The following CA10 variants were observed in gnomAD, a reference collection of about 807,000 sequenced individuals.
CA10 encodes the protein carbonic anhydrase 10 (inactive).
Under a neutral mutation model 44.2 loss-of-function variants are expected in CA10, and 14 were observed. The observed-to-expected ratio is 0.32, with a 90% CI of 0.21 to 0.50. The LOEUF is 0.50. Ranked by LOEUF, CA10 falls within the 20% of genes least tolerant of loss-of-function variation. CA10 has a pLI of 0.99. For synonymous variants in CA10, 159 were observed against 141.6 expected (o/e 1.12, Z -0.87); for missense variants, 350 against 409.7 (o/e 0.85, Z 1.26).
At chr17:51,754,418 TATATA>T (rs1286630775) in intron 3 of CA10, among the ~76,000 whole-genome samples, 1 of 74,924 alleles carries the variant, frequency 1.3e-5, no homozygotes, top group African/African-American at 4.5e-5. Context: ...TATATATATA[TATATA>T]TATATATATA....
chr17:51,826,635 T>G (rs1263898), intron 3 of CA10, among the ~76,000 whole-genome samples: 1 of 152,022 alleles, frequency 6.6e-6, no homozygotes, highest in Non-Finnish European at 1.5e-5. Context: ...TTCCCACCTG[T>G]TTCTCCTCTG....
intron 3 of CA10, among the ~76,000 whole-genome samples, chr17:51,776,396 T>C (rs1333988749): frequency 6.6e-6 from 1 of 152,030 alleles, no homozygotes; most frequent in Non-Finnish European, 1.5e-5. Flanking sequence ...ATATAAAAAA[T>C]AAAATTTTAT....
chr17:51,979,160 G>T (rs903477586), intron 2 of CA10, among the ~76,000 whole-genome samples: 9 of 151,940 alleles, frequency 5.9e-5, no homozygotes, highest in Non-Finnish European at 1.3e-4. Flanking sequence ...TGACCATACT[G>T]GAGTGAACCT....
At chr17:51,829,614 G>A (rs974564234) in intron 3 of CA10, among the ~76,000 whole-genome samples, 11 of 152,178 alleles carry the variant, frequency 7.2e-5, no homozygotes, top group Non-Finnish European at 1.6e-4. Flanking sequence ...CATTTACTTA[G>A]GTACCTAGTA....
chr17:51,721,160 T>A lies in CA10; in HGVS notation c.465+26473A>T, dbSNP rs1386065068. ...GCCTGGCCAACATGGCGAAACCCCG[T>A]CTCTACTAAAAATACAAAAAAATTA... On this transcript the variant is annotated intron_variant, in intron 4 of 8. Coordinates refer to ENST00000451037, the MANE Select transcript of CA10 (RefSeq NM_020178.5). 3.9e-5 allele frequency among the ~76,000 whole-genome samples: 6 copies of A among 151,966 alleles called. No individual in the cohort carries two copies. The East Asian group carries it at 1.2e-3, about 30-fold the overall frequency.
At chr17:51,965,057 A>G (rs913277977) in intron 2 of CA10, among the ~76,000 whole-genome samples, 1 of 151,954 alleles carries the variant, frequency 6.6e-6, no homozygotes, top group Non-Finnish European at 1.5e-5. Context: ...AGAAACAACA[A>G]AAGTGACATT....
intron 1 of CA10, among the ~76,000 whole-genome samples, chr17:52,146,708 AT>A (rs1278200091): frequency 4.8e-4 from 45 of 94,180 alleles, no homozygotes; most frequent in East Asian, 3.8e-3. Flanking sequence ...ATATAAAAAA[AT>A]AAAAATAAAA....
chr17:51,738,264 C>T (rs990063160), intron 4 of CA10, among the ~76,000 whole-genome samples: 1 of 152,052 alleles, frequency 6.6e-6, no homozygotes, highest in African/African-American at 2.4e-5. Context: ...CAAATGGATC[C>T]GGTGGTTTTA....
At chr17:52,050,390 A>T (rs1987030431) in intron 2 of CA10, among the ~76,000 whole-genome samples, 1 of 152,056 alleles carries the variant, frequency 6.6e-6, no homozygotes, top group African/African-American at 2.4e-5. Flanking sequence ...CACTTCTGTA[A>T]TCGACATCTA....
intron 4 of CA10, among the ~76,000 whole-genome samples, chr17:51,724,182 T>C (rs1415897240): frequency 1.3e-5 from 2 of 152,244 alleles, no homozygotes; most frequent in African/African-American, 2.4e-5. Flanking sequence ...TTTCTATTAC[T>C]GTCCTTGCAG....
rs573720945 is a variant in CA10 at position 52,074,084 on chromosome 17, G to A, written c.62-1691C>T. On this transcript the variant is annotated intron_variant, in intron 1 of 8. Transcript: ENST00000451037. ...ACTCACCCTCCTTCTCCCCCAATTC[G>A]TTAGACAGTCATCATAGGAGCCAGA... 7.9e-5 allele frequency among the ~76,000 whole-genome samples: 12 copies of A among 152,188 alleles called. No individual in the cohort carries two copies. The South Asian group carries it at 1.5e-3, about 18-fold the overall frequency.
chr17:51,853,650 C>T (rs140097736), intron 3 of CA10, among the ~76,000 whole-genome samples: 61 of 152,296 alleles, frequency 4.0e-4, no homozygotes, highest in African/African-American at 1.3e-3. Flanking sequence ...GGTGATATGG[C>T]TTGGCTCTGT....
intron 4 of CA10, among the ~76,000 whole-genome samples, chr17:51,654,187 GACTGGGATGAA>G (rs566670564): frequency 7.5e-4 from 114 of 152,314 alleles, no homozygotes; most frequent in African/African-American, 2.3e-3. Flanking sequence ...AGTCAGCCAT[GACTGGGATGAA>G]ACTGGCCAGC....
At chr17:51,907,418 T>C (rs1981603828) in intron 3 of CA10, among the ~76,000 whole-genome samples, 1 of 152,094 alleles carries the variant, frequency 6.6e-6, no homozygotes, top group Non-Finnish European at 1.5e-5. Flanking sequence ...CCTTTTTTCA[T>C]TCTGTTTTAT....
chr17:52,033,047 A>G (rs73989043), intron 2 of CA10, among the ~76,000 whole-genome samples: 16,443 of 152,260 alleles, frequency 0.11, 935 homozygotes, highest in South Asian at 0.16. Context: ...CAATGACTCC[A>G]ACTACAACAT....
chr17:52,154,558 G>A (rs142572104), intron 1 of CA10, among the ~76,000 whole-genome samples: 3 of 152,264 alleles, frequency 2.0e-5, no homozygotes, highest in East Asian at 1.9e-4. Context: ...AGCTGCTTTG[G>A]TAGGAAGGGA....
chr17:51,694,118 C>T (rs894378904), intron 4 of CA10, among the ~76,000 whole-genome samples: 3 of 151,892 alleles, frequency 2.0e-5, no homozygotes, highest in East Asian at 1.9e-4. Flanking sequence ...GCAGGAGAAT[C>T]GCTTGAACCC....
intron 1 of CA10, among the ~76,000 whole-genome samples, chr17:52,106,669 G>A (rs1187020427): frequency 1.1e-4 from 16 of 152,030 alleles, no homozygotes; most frequent in Admixed American, 1.0e-3. Flanking sequence ...AATACTCCTT[G>A]GTAAATGACT....
chr17:52,110,389 C>G (rs543192769), intron 1 of CA10, among the ~76,000 whole-genome samples: 4 of 152,300 alleles, frequency 2.6e-5, no homozygotes, highest in African/African-American at 9.6e-5. Context: ...GGGCTTTGGG[C>G]CCTTAACCTC....
Sources: gnomAD v4.1 joint callset for allele counts (sites outside exome capture counted in the v4.1 genomes callset) on GRCh38, gnomAD v4.1.1 for gene constraint, MANE v1.5 for transcripts, NCBI Gene and HGNC (gene_info 2026-07-23, HGNC 2026-07-21) for gene names.